The following TENM3 variants were observed in gnomAD, a reference collection of about 807,000 sequenced individuals.
TENM3 encodes teneurin transmembrane protein 3.
In TENM3, 63 loss-of-function variants were observed where a neutral mutation model predicts 255.1. The ratio of observed to expected loss-of-function variants is 0.25; its 90% CI spans 0.20 to 0.30. The LOEUF is 0.30. TENM3 is among the 10% of genes least tolerant of loss of function. The probability of loss-of-function intolerance (pLI) is 1.00; values close to 1 mark genes in which losing one functional copy is unlikely to be tolerated. For synonymous variants in TENM3, 1,306 were observed against 1,322.3 expected (o/e 0.99, Z 0.27); for missense variants, 2,929 against 3,461.1 (o/e 0.85, Z 3.86).
chr4:182,323,270 C>T (rs1174931273), intron 1 of TENM3, among the ~76,000 whole-genome samples: 4 of 152,052 alleles, frequency 2.6e-5, no homozygotes, highest in African/African-American at 7.2e-5. Context: ...TCACGATTTG[C>T]GCTGATTAAA....
the TENM3 span, among the ~76,000 whole-genome samples, chr4:181,779,452 C>T: frequency 6.6e-6 from 1 of 151,690 alleles, no homozygotes; most frequent in Non-Finnish European, 1.5e-5. Flanking sequence ...CAGTCCAAAA[C>T]CACCCTGGGA....
chr4:181,924,464 C>G, the TENM3 span, among the ~76,000 whole-genome samples: 1 of 152,092 alleles, frequency 6.6e-6, no homozygotes. Flanking sequence ...TAGTCTTTAC[C>G]ATGCACATGA....
chr4:181,581,128 G>C, the TENM3 span, among the ~76,000 whole-genome samples: 4 of 152,070 alleles, frequency 2.6e-5, no homozygotes, highest in Non-Finnish European at 4.4e-5. Flanking sequence ...GAAAAACAAG[G>C]AGCTATCAGT....
the TENM3 span, among the ~76,000 whole-genome samples, chr4:181,611,409 A>G: frequency 6.6e-6 from 1 of 152,162 alleles, no homozygotes; most frequent in South Asian, 2.1e-4. Context: ...CTGTCCCGTC[A>G]TGTTGTCAGA....
At chr4:181,588,980 T>G in the TENM3 span, among the ~76,000 whole-genome samples, 1 of 152,202 alleles carries the variant, frequency 6.6e-6, no homozygotes, top group Admixed American at 6.5e-5. Context: ...TTATCCTCCT[T>G]ATTCCACTCA....
the TENM3 span, among the ~76,000 whole-genome samples, chr4:181,768,180 A>G: frequency 6.6e-6 from 1 of 152,194 alleles, no homozygotes; most frequent in Admixed American, 6.5e-5. Flanking sequence ...ACTTTTAATC[A>G]GTAGTTCTCA....
At chr4:181,837,080 C>T in the TENM3 span, among the ~76,000 whole-genome samples, 2 of 152,038 alleles carry the variant, frequency 1.3e-5, no homozygotes, top group Non-Finnish European at 2.9e-5. Context: ...TAAATAATCA[C>T]TTTCTTGCAA....
chr4:181,909,877 T>G, the TENM3 span, among the ~76,000 whole-genome samples: 1 of 152,352 alleles, frequency 6.6e-6, no homozygotes, highest in Non-Finnish European at 1.5e-5. Context: ...AATGTTGATA[T>G]TCTTTGTATG....
At chr4:181,605,582 A>G in the TENM3 span, among the ~76,000 whole-genome samples, 111 of 28,304 alleles carry the variant, frequency 3.9e-3, 12 homozygotes, top group African/African-American at 6.0e-3. Context: ...GAGAGAAAGA[A>G]AGGAAAGAAA....
the TENM3 span, among the ~76,000 whole-genome samples, chr4:181,713,515 T>C: frequency 2.0e-5 from 3 of 152,218 alleles, no homozygotes; most frequent in Non-Finnish European, 4.4e-5. Flanking sequence ...AAAATCTTCT[T>C]GGTCACTACC....
At chr4:181,589,525 A>G in the TENM3 span, among the ~76,000 whole-genome samples, 1 of 152,198 alleles carries the variant, frequency 6.6e-6, no homozygotes, top group Non-Finnish European at 1.5e-5. Context: ...CTAAAAATGT[A>G]AAAAGGAAGG....
the TENM3 span, among the ~76,000 whole-genome samples, chr4:181,699,442 CAAAAAAAAAAAAAAAAA>C: frequency 4.3e-4 from 19 of 44,074 alleles, no homozygotes; most frequent in Middle Eastern, 0.036. Flanking sequence ...GACCCTGTCG[CAAAAAAAAAAAAAAAAA>C]AAAAAAAAAA....
chr4:182,350,399 T>A (rs1472313649), intron 3 of TENM3: 1 of 152,192 alleles, frequency 6.6e-6, no homozygotes, highest in Non-Finnish European at 1.5e-5. Flanking sequence ...TATATTGAGT[T>A]TCCTGTGTAA....
chr4:182,726,376 A>ATGGCAAAAACCTTAAAGGTTTTTG (rs11271130), intron 13 of TENM3, among the ~76,000 whole-genome samples: 151,828 of 152,110 alleles, frequency 1, 75,774 homozygotes, highest in East Asian at 1. Flanking sequence ...AGCGCAGCTT[A>ATGGCAAAAACCTTAAAGGTTTTTG]TGTCTGTGTC....
the TENM3 span, among the ~76,000 whole-genome samples, chr4:181,586,509 C>T: frequency 6.6e-6 from 1 of 152,128 alleles, no homozygotes; most frequent in Non-Finnish European, 1.5e-5. Context: ...AAACTGTCTC[C>T]ATTCAAATCC....
chr4:182,090,169 G>T, the TENM3 span, among the ~76,000 whole-genome samples: 1 of 152,098 alleles, frequency 6.6e-6, no homozygotes, highest in Non-Finnish European at 1.5e-5. Flanking sequence ...ATATGCACAG[G>T]TTAATTCACC....
At chr4:182,370,532 A>C (rs746155344) in intron 3 of TENM3, among the ~76,000 whole-genome samples, 1 of 152,210 alleles carries the variant, frequency 6.6e-6, no homozygotes, top group Non-Finnish European at 1.5e-5. Context: ...AGTCGGTTTT[A>C]ACAAAAAAGA....
the TENM3 span, among the ~76,000 whole-genome samples, chr4:181,964,779 T>C: frequency 1.4e-3 from 209 of 152,236 alleles, no homozygotes; most frequent in African/African-American, 4.7e-3. Flanking sequence ...TAAACGTAGA[T>C]ACAGGGACAA....
chr4:182,316,197 G>C (rs991871699), intron 1 of TENM3, among the ~76,000 whole-genome samples: 1 of 152,164 alleles, frequency 6.6e-6, no homozygotes, highest in African/African-American at 2.4e-5. Flanking sequence ...AAGCTTTGCT[G>C]TTGTGCAAAA....
Sources: gnomAD v4.1 joint callset for allele counts (sites outside exome capture counted in the v4.1 genomes callset) on GRCh38, gnomAD v4.1.1 for gene constraint, MANE v1.5 for transcripts, NCBI Gene and HGNC (gene_info 2026-07-23, HGNC 2026-07-21) for gene names.